Variants in RGS6 observed in about 807,000 individuals in gnomAD.
RGS6 encodes regulator of G protein signaling 6, also known as regulator of G-protein signaling 6.
Under a neutral mutation model 78.5 loss-of-function variants are expected in RGS6, and 30 were observed. The observed-to-expected ratio is 0.38, with a 90% CI of 0.29 to 0.52. The LOEUF (loss-of-function observed/expected upper bound fraction) is 0.52. Ranked by LOEUF, RGS6 falls within the 20% of genes least tolerant of loss-of-function variation. The pLI, the probability that RGS6 is intolerant of heterozygous loss-of-function variation, is 0.85. For missense variants in RGS6, 495 were observed against 609.7 expected, an observed-to-expected ratio of 0.81 and a Z score of 1.98; for synonymous variants, 206 against 206.0, an observed-to-expected ratio of 1.00 and a Z score of 0.00.
intron 2 of RGS6, among the ~76,000 whole-genome samples, chr14:72,318,084 G>T (rs1241642761): frequency 1.3e-5 from 2 of 152,116 alleles, no homozygotes; most frequent in Non-Finnish European, 2.9e-5. Context: ...ATTTTACACA[G>T]CTGGGAATGC....
At chr14:72,584,774 A>G in the RGS6 span, among the ~76,000 whole-genome samples, 2 of 152,210 alleles carry the variant, frequency 1.3e-5, no homozygotes, top group Admixed American at 6.5e-5. Flanking sequence ...GAATTATCAG[A>G]AGGATTCACA....
At chr14:72,513,923 A>G (rs2096909482) in intron 14 of RGS6, 1 of 152,268 alleles carries the variant, frequency 6.6e-6, no homozygotes, top group African/African-American at 2.4e-5. Flanking sequence ...AGAAGCAATT[A>G]AAAGAGAACA....
chr14:72,295,715 T>C (rs1035466407), intron 2 of RGS6, among the ~76,000 whole-genome samples: 2 of 152,190 alleles, frequency 1.3e-5, no homozygotes, highest in Non-Finnish European at 2.9e-5. Context: ...AATATTAATA[T>C]TTGACATTCT....
chr14:72,441,894 C>G (rs1199017784), intron 3 of RGS6, among the ~76,000 whole-genome samples: 1 of 152,212 alleles, frequency 6.6e-6, no homozygotes, highest in African/African-American at 2.4e-5. Flanking sequence ...GCCCAGAGGC[C>G]CAGCTCCTGG....
chr14:72,348,865 C>G (rs929213836), intron 2 of RGS6, among the ~76,000 whole-genome samples: 3 of 152,160 alleles, frequency 2.0e-5, no homozygotes, highest in Non-Finnish European at 4.4e-5. Flanking sequence ...ACTTAGTGAT[C>G]TATAAAAATA....
chr14:72,611,474 G>A, the RGS6 span, among the ~76,000 whole-genome samples: 1 of 152,116 alleles, frequency 6.6e-6, no homozygotes, highest in African/African-American at 2.4e-5. Context: ...GACCTTGCTG[G>A]GGTCTGGTGG....
intron 3 of RGS6, among the ~76,000 whole-genome samples, chr14:72,362,314 CT>C (rs775380607): frequency 6.6e-6 from 1 of 152,182 alleles, no homozygotes; most frequent in Non-Finnish European, 1.5e-5. Context: ...TTGGGTATGT[CT>C]AGAATATTTC....
chr14:71,984,155 A>C (rs1375607143), intron 2 of RGS6, among the ~76,000 whole-genome samples: 1 of 152,162 alleles, frequency 6.6e-6, no homozygotes, highest in African/African-American at 2.4e-5. Context: ...TTGCTAGGTA[A>C]GTGGTATTCA....
intron 2 of RGS6, among the ~76,000 whole-genome samples, chr14:72,236,639 C>T (rs759699989): frequency 2.0e-5 from 3 of 152,192 alleles, no homozygotes; most frequent in Admixed American, 6.5e-5. Context: ...GGTTGCACAG[C>T]GGCCGGGCAG....
At chr14:71,998,739 T>C (rs2082838885) in intron 2 of RGS6, among the ~76,000 whole-genome samples, 1 of 152,232 alleles carries the variant, frequency 6.6e-6, no homozygotes, top group South Asian at 2.1e-4. Flanking sequence ...GTCTGGAAGA[T>C]ATCTTTATAC....
rs145270129 is a variant in RGS6 at position 72,459,576 on chromosome 14, G to A, written c.343-56G>A. The A allele has an allele frequency of 2.1e-4, 328 of 1,573,476 alleles. No individual in the cohort carries two copies. The African/African-American group carries it at 4.2e-3, about 20-fold the overall frequency. On this transcript the variant is annotated intron_variant, in intron 5 of 17. Coordinates refer to ENST00000553525, the MANE Select transcript of RGS6 (RefSeq NM_001204424.2). Reference sequence around the variant, plus strand: ...CAGGGAGGCTCCTCCCTGGGTGTGGGAGGGAAGCGCAGGCATGGCGCGCCC... The same window carrying A: ...CAGGGAGGCTCCTCCCTGGGTGTGGAAGGGAAGCGCAGGCATGGCGCGCCC...
At chr14:72,472,808 C>A in intron 8 of RGS6, 64 bp from the exon 9 acceptor site, 4 of 1,210,910 alleles carry the variant, frequency 3.3e-6, no homozygotes, top group Non-Finnish European at 4.8e-6. Flanking sequence ...AACGCTGGAG[C>A]AAGTGTCAGA....
intron 2 of RGS6, among the ~76,000 whole-genome samples, chr14:72,040,855 C>A (rs2092336153): frequency 1.3e-5 from 2 of 152,106 alleles, no homozygotes; most frequent in Non-Finnish European, 2.9e-5. Context: ...TGCTGTTAAA[C>A]TCCTCTGGTA....
the RGS6 span, among the ~76,000 whole-genome samples, chr14:71,875,732 A>T: frequency 6.6e-6 from 1 of 152,008 alleles, no homozygotes; most frequent in Non-Finnish European, 1.5e-5. Flanking sequence ...TTGAATTGTG[A>T]TGTTAGGGTG....
chr14:71,985,659 G>A (rs928681154), intron 2 of RGS6, among the ~76,000 whole-genome samples: 3 of 152,140 alleles, frequency 2.0e-5, no homozygotes, highest in Non-Finnish European at 2.9e-5. Context: ...GAAAGAGGGT[G>A]AGGGGATTTC....
At chr14:72,551,133 C>T (rs950109398) in intron 17 of RGS6, among the ~76,000 whole-genome samples, 1 of 152,044 alleles carries the variant, frequency 6.6e-6, no homozygotes, top group Non-Finnish European at 1.5e-5. Flanking sequence ...AGCCACCGTG[C>T]CCAGCTCATA....
intron 2 of RGS6, among the ~76,000 whole-genome samples, chr14:71,983,812 A>G (rs1215756700): frequency 6.6e-6 from 1 of 152,246 alleles, no homozygotes; most frequent in Non-Finnish European, 1.5e-5. Context: ...CGCAAGTCCC[A>G]GGGTTTAGGA....
At chr14:72,135,065 AAATT>A in intron 2 of RGS6, among the ~76,000 whole-genome samples, 1 of 152,170 alleles carries the variant, frequency 6.6e-6, no homozygotes, top group Non-Finnish European at 1.5e-5. Flanking sequence ...CTGACACATA[AAATT>A]AACCATCACA....
chr14:72,405,741 T>C (rs923552025), intron 3 of RGS6, among the ~76,000 whole-genome samples: 12 of 152,196 alleles, frequency 7.9e-5, no homozygotes, highest in Non-Finnish European at 1.6e-4. Flanking sequence ...ACCTCCACAT[T>C]AGCACTAGGT....
Sources: gnomAD v4.1 joint callset for allele counts (sites outside exome capture counted in the v4.1 genomes callset) on GRCh38, gnomAD v4.1.1 for gene constraint, MANE v1.5 for transcripts, NCBI Gene and HGNC (gene_info 2026-07-23, HGNC 2026-07-21) for gene names.